Variants in SLC6A5 observed in about 807,000 individuals in gnomAD.
The protein encoded by SLC6A5 is solute carrier family 6 member 5, also known as sodium- and chloride-dependent glycine transporter 2.
Under a neutral mutation model 90.5 loss-of-function variants are expected in SLC6A5, and 58 were observed. The observed-to-expected ratio is 0.64, with a 90% CI of 0.52 to 0.80. The LOEUF is 0.80. Among genes scored for constraint, SLC6A5 ranks in the 30% least tolerant of loss-of-function variants. The pLI, the probability that SLC6A5 is intolerant of heterozygous loss-of-function variation, is 0.00. For missense variants in SLC6A5, 1,015 were observed against 1,017.6 expected (o/e 1.00, Z 0.03); for synonymous variants, 427 against 401.4 (o/e 1.06, Z -0.76).
At chr11:20,649,691 T>TA (rs756234787) in intron 14 of SLC6A5, among the ~76,000 whole-genome samples, 225 of 152,366 alleles carry the variant, frequency 1.5e-3, no homozygotes, top group Non-Finnish European at 2.3e-3. Context: ...CATGGATTTA[T>TA]AGAGCTATAA....
At chr11:20,626,618 A>G in intron 7 of SLC6A5, 90 bp from the exon 8 acceptor site, 1 of 1,407,882 alleles carries the variant, frequency 7.1e-7, no homozygotes, top group Non-Finnish European at 1.0e-6. Context: ...TGTCATGCGC[A>G]GCCCCACTCT....
rs1380299964 is a variant in SLC6A5 at position 20,617,856 on chromosome 11, T to C, written c.1232T>C (p.Leu411Ser). ...FLAWVIVYAS[L>S]AKGIKTSGKV... ...GCTTGGGTCATTGTGTATGCATCAT[T>C]GGCTAAAGGAATCAAGACTTCAGGA... Residue 411 changes from leucine (L) to serine (S), a missense_variant, in exon 7 of 16, where the codon TTG becomes TCG. Around this residue, in one of 3 missense-constraint regions of SLC6A5, gnomAD observed 442 missense variants for 494.3 expected, o/e 0.89. Coordinates refer to ENST00000525748, the MANE Select transcript of SLC6A5 (RefSeq NM_004211.5). The C allele has an allele frequency of 1.9e-6, 3 of 1,613,898 alleles. No individual in the cohort carries two copies. The highest frequency in any genetic ancestry group is 2.5e-6 in the Non-Finnish European group (3 of 1,179,916).
chr11:20,608,252 A>G (rs1354011726), intron 5 of SLC6A5, among the ~76,000 whole-genome samples: 1 of 152,214 alleles, frequency 6.6e-6, no homozygotes, highest in Non-Finnish European at 1.5e-5. Context: ...AGAGGGCAAG[A>G]TACTGGGGAG....
In SLC6A5 at chr11:20,652,514, T is replaced by C. The variant is rs186418907; in HGVS notation, c.2238+58T>C. The C allele has an allele frequency of 6.0e-4, 903 of 1,516,604 alleles. 3 individuals carry two copies. The African/African-American group carries it at 8.8e-3, about 15-fold the overall frequency. The allele number at this position is 1,516,604 out of a possible 1,614,324, so 93.9% of individuals were successfully genotyped here. On this transcript the variant is annotated intron_variant, in intron 15 of 15. Transcript: ENST00000525748. ...CTCCCAAGGGAAAGCCCATAAAAGCTCTGCATGTTAAAAAACAAAAGATTC... is the reference window on the plus strand; with the variant it reads ...CTCCCAAGGGAAAGCCCATAAAAGCCCTGCATGTTAAAAAACAAAAGATTC...
At chr11:20,605,019 T>C (rs761327479) in intron 3 of SLC6A5, among the ~76,000 whole-genome samples, 3 of 152,218 alleles carry the variant, frequency 2.0e-5, no homozygotes, top group Non-Finnish European at 4.4e-5. Flanking sequence ...GGGAAGGTGC[T>C]GCTGTTGAAT....
intron 10 of SLC6A5, among the ~76,000 whole-genome samples, chr11:20,632,701 TTGATATAATGGAGGCTC>T (rs1853131086): frequency 6.6e-6 from 1 of 152,208 alleles, no homozygotes; most frequent in Non-Finnish European, 1.5e-5. Context: ...CTTACTTGCC[TTGATATAATGGAGGCTC>T]TGCAGAATAC....
intron 15 of SLC6A5, among the ~76,000 whole-genome samples, chr11:20,652,853 A>G (rs932297805): frequency 2.0e-5 from 3 of 152,114 alleles, no homozygotes; most frequent in African/African-American, 7.2e-5. Flanking sequence ...TTCTTCCCAA[A>G]CATCTATTAC....
chr11:20,620,950 C>T (rs770922625), intron 7 of SLC6A5, among the ~76,000 whole-genome samples: 6 of 152,020 alleles, frequency 3.9e-5, no homozygotes, highest in Non-Finnish European at 8.8e-5. Context: ...CAGGAGCCCA[C>T]CACCACGCCC....
In SLC6A5 at chr11:20,633,018, T is replaced by C. The variant is rs187633471; in HGVS notation, c.1624+2203T>C. Among the ~76,000 whole-genome samples the C allele has an allele frequency of 2.0e-5, 3 of 152,286 alleles. No homozygotes were observed. In the East Asian group the frequency reaches 5.8e-4, roughly 29 times the overall value. ...TTGGTGAAGAGACCAAGCTGTGTTT[T>C]GCTTTTATGATAGGCATAGGGAAGG... On this transcript the variant is annotated intron_variant, in intron 10 of 15. Coordinates refer to ENST00000525748, the MANE Select transcript of SLC6A5 (RefSeq NM_004211.5).
At chr11:20,612,584 C>T (rs1852713870) in intron 5 of SLC6A5, among the ~76,000 whole-genome samples, 1 of 152,222 alleles carries the variant, frequency 6.6e-6, no homozygotes, top group Admixed American at 6.5e-5. Context: ...GTGGTGCAAT[C>T]ACAGCTCACT....
chr11:20,599,681 T>C lies in SLC6A5; in HGVS notation c.3+6T>C. ...TGTTGCCTGTGTCAGACATGGTGAG[T>C]GTTTGCTTTTGTTCTTTCAAGAGGA... On this transcript the variant is annotated splice_donor_region_variant and intron_variant, in intron 1 of 15. Coordinates refer to ENST00000525748, the MANE Select transcript of SLC6A5 (RefSeq NM_004211.5). 1 of 1,613,652 alleles carries C rather than the reference T, an allele frequency of 6.2e-7. No homozygotes were observed. Among genetic ancestry groups the C allele is most frequent in the Non-Finnish European group, 8.5e-7 (1 of 1,179,942 alleles).
At chr11:20,647,230 T>A (rs992147314) in intron 14 of SLC6A5, among the ~76,000 whole-genome samples, 1 of 123,010 alleles carries the variant, frequency 8.1e-6, no homozygotes, top group African/African-American at 2.9e-5. Flanking sequence ...TATATAAATT[T>A]ATATATATTT....
chr11:20,620,476 C>T (rs1387586250), intron 7 of SLC6A5, among the ~76,000 whole-genome samples: 2 of 152,236 alleles, frequency 1.3e-5, no homozygotes, highest in African/African-American at 2.4e-5. Context: ...CAGTTATTAA[C>T]ATTATCTCCT....
chr11:20,614,628 T>C, intron 5 of SLC6A5, 51 bp from the exon 6 acceptor site: 1 of 1,569,740 alleles, frequency 6.4e-7, no homozygotes, highest in Non-Finnish European at 8.8e-7. Context: ...GACAAATCTC[T>C]GTTTTCTGTA....
At chr11:20,610,681 G>T (rs1852677825) in intron 5 of SLC6A5, among the ~76,000 whole-genome samples, 1 of 152,162 alleles carries the variant, frequency 6.6e-6, no homozygotes, top group Non-Finnish European at 1.5e-5. Flanking sequence ...TAATGATTAG[G>T]TGGGAATCCT....
intron 13 of SLC6A5, among the ~76,000 whole-genome samples, 198 bp downstream of exon 13, chr11:20,638,756 G>T (rs1261330625): frequency 2.0e-5 from 3 of 152,176 alleles, no homozygotes; most frequent in East Asian, 1.9e-4. Context: ...GAAACAAGAG[G>T]TGGCTGAAGG....
chr11:20,604,078 T>C (rs1813588543), intron 2 of SLC6A5, among the ~76,000 whole-genome samples: 1 of 152,106 alleles, frequency 6.6e-6, no homozygotes, highest in African/African-American at 2.4e-5. Flanking sequence ...TGCTTGCTGA[T>C]TGACTCTCAG....
intron 14 of SLC6A5, among the ~76,000 whole-genome samples, chr11:20,648,083 T>A (rs532996908): frequency 3.3e-5 from 5 of 152,286 alleles, no homozygotes; most frequent in African/African-American, 4.8e-5. Flanking sequence ...TTGACAGAGA[T>A]CCTTCCCCAT....
chr11:20,600,335 GGAAGAAGAAGAAGAAGAAGAAGAA>G (rs55891826), intron 1 of SLC6A5, among the ~76,000 whole-genome samples: 1,029 of 87,938 alleles, frequency 0.012, 17 homozygotes, highest in Admixed American at 0.037. Context: ...AAGAAGAAGA[GGAAGAAGAAGAAGAAGAAGAAGAA>G]GAAGAAGAAG....
Sources: allele counts gnomAD v4.1 joint callset (sites outside exome capture counted in the v4.1 genomes callset), GRCh38; gene constraint gnomAD v4.1.1; regional missense constraint gnomAD v4.1.1; transcripts MANE v1.5; gene names NCBI Gene and HGNC (gene_info 2026-07-23, HGNC 2026-07-21).